Variants in C7 observed in about 807,000 individuals in gnomAD.
C7 encodes the protein complement C7.
Under a neutral mutation model 104.8 loss-of-function variants are expected in C7, and 83 were observed. The observed-to-expected ratio is 0.79, with a 90% confidence interval of 0.66 to 0.95. C7 has a LOEUF of 0.95. C7 is among the 40% of genes least tolerant of loss of function. The pLI is 0.00. For missense variants in C7, 1,070 were observed against 1,011.2 expected (o/e 1.06, Z -0.79); for synonymous variants, 415 against 360.6 (o/e 1.15, Z -1.71).
chr5:40,945,072 G>A, intron 6 of C7, 126 bp from the exon 7 acceptor site: 1 of 592,844 alleles, frequency 1.7e-6, no homozygotes, highest in Non-Finnish European at 3.0e-6. Flanking sequence ...TGGTCTTAAT[G>A]AGAGTCACAG....
At chr5:40,976,629 C>G in intron 15 of C7, 121 bp from the exon 16 acceptor site, 1 of 568,456 alleles carries the variant, frequency 1.8e-6, no homozygotes, top group South Asian at 2.9e-5. Flanking sequence ...ACTATTGTTA[C>G]TGTGCAAATG....
chr5:40,962,975 T>A (rs969176744), intron 13 of C7, among the ~76,000 whole-genome samples: 1 of 152,332 alleles, frequency 6.6e-6, no homozygotes, highest in Middle Eastern at 3.4e-3. Context: ...CGCAAGTGTG[T>A]GTGTGTGTTT....
At chr5:40,974,387 G>GTT (rs34725318) in intron 15 of C7, among the ~76,000 whole-genome samples, 76 of 138,126 alleles carry the variant, frequency 5.5e-4, no homozygotes, top group Admixed American at 1.6e-3. Flanking sequence ...TAATTCTATC[G>GTT]TTTTTTTTTT....
chr5:40,951,612 G>A (rs915915888), intron 9 of C7, among the ~76,000 whole-genome samples: 3 of 152,116 alleles, frequency 2.0e-5, no homozygotes, highest in African/African-American at 7.2e-5. Flanking sequence ...CCCATGAATC[G>A]AGAATAAACG....
At chr5:40,940,728 T>C (rs1475328140) in intron 6 of C7, among the ~76,000 whole-genome samples, 9 of 152,284 alleles carry the variant, frequency 5.9e-5, no homozygotes, top group South Asian at 2.1e-4. Context: ...CTAAGCACTG[T>C]TCCAAGAGCT....
At chr5:40,929,740 C>A (rs1254206845) in intron 2 of C7, among the ~76,000 whole-genome samples, 3 of 152,138 alleles carry the variant, frequency 2.0e-5, no homozygotes, top group African/African-American at 7.2e-5. Context: ...TTATGAGAGT[C>A]AACTCTCCAT....
At chr5:40,941,521 CAG>C (rs1490151236) in intron 6 of C7, among the ~76,000 whole-genome samples, 8 of 152,010 alleles carry the variant, frequency 5.3e-5, no homozygotes, top group South Asian at 2.1e-4. Context: ...AAAAAAGAGT[CAG>C]AGAGTTTAAG....
chr5:40,947,232 TG>T (rs1740068202), intron 7 of C7, among the ~76,000 whole-genome samples: 1 of 151,326 alleles, frequency 6.6e-6, no homozygotes, highest in South Asian at 2.1e-4. Flanking sequence ...CTTGAGTAGC[TG>T]GGATTACAGG....
intron 14 of C7, among the ~76,000 whole-genome samples, chr5:40,965,543 A>G (rs1196807796): frequency 6.6e-6 from 1 of 152,052 alleles, no homozygotes; most frequent in Non-Finnish European, 1.5e-5. Context: ...ACTGATTTAC[A>G]TCTCTAGCAT....
intron 1 of C7, among the ~76,000 whole-genome samples, chr5:40,922,374 C>CAAAAAAAAAAA (rs869109946): frequency 4.6e-5 from 2 of 43,074 alleles, no homozygotes; most frequent in African/African-American, 1.3e-4. Flanking sequence ...GACTCTGTCT[C>CAAAAAAAAAAA]AAAAAAAAAA....
chr5:40,943,687 G>A (rs533778765), intron 6 of C7, among the ~76,000 whole-genome samples: 45 of 146,694 alleles, frequency 3.1e-4, no homozygotes, highest in African/African-American at 1.1e-3. Context: ...ATACATATAT[G>A]TGTGTGTGTG....
At chr5:40,968,076 T>G (rs1312698849) in intron 14 of C7, among the ~76,000 whole-genome samples, 1 of 152,164 alleles carries the variant, frequency 6.6e-6, no homozygotes, top group African/African-American at 2.4e-5. Flanking sequence ...TTAACATCAT[T>G]TTTTTGTTTG....
intron 13 of C7, 151 bp from the exon 14 acceptor site, chr5:40,964,589 TA>T: frequency 3.2e-6 from 2 of 631,168 alleles, no homozygotes; most frequent in Admixed American, 3.0e-5. Flanking sequence ...ACTAACTATA[TA>T]GGGGAAAATG....
intron 6 of C7, among the ~76,000 whole-genome samples, chr5:40,943,820 GA>G (rs1449329730): frequency 1.4e-5 from 2 of 147,536 alleles, no homozygotes; most frequent in Admixed American, 1.4e-4. Context: ...AAGATTTGTT[GA>G]AATCCATCTT....
At chr5:40,913,195 A>G (rs989519703) in intron 1 of C7, among the ~76,000 whole-genome samples, 3 of 152,222 alleles carry the variant, frequency 2.0e-5, no homozygotes, top group East Asian at 1.9e-4. Flanking sequence ...TCTTTATCCA[A>G]TCATCTGTTG....
intron 9 of C7, among the ~76,000 whole-genome samples, chr5:40,950,965 G>C (rs1740157539): frequency 6.6e-6 from 1 of 152,054 alleles, no homozygotes; most frequent in Non-Finnish European, 1.5e-5. Flanking sequence ...GATGGCTATT[G>C]GGTTCCATTA....
In C7 at chr5:40,975,238, C is replaced by T. The variant is rs78802019; in HGVS notation, c.2075-1512C>T. Among the ~76,000 whole-genome samples, 1,176 of 152,242 alleles carry T rather than the reference C, an allele frequency of 7.7e-3. 47 individuals carry two copies. In the East Asian group the frequency reaches 0.13, roughly 17 times the overall value. On this transcript the variant is annotated intron_variant, in intron 15 of 17. Coordinates refer to ENST00000313164, the MANE Select transcript of C7 (RefSeq NM_000587.4). Reference sequence around the variant, plus strand: ...CTAAAAAATTAATATTAGTACAATGCTATTGACTAAACTATACACTTTATT... The same window carrying T: ...CTAAAAAATTAATATTAGTACAATGTTATTGACTAAACTATACACTTTATT...
At chr5:40,933,773 A>AC in intron 3 of C7, among the ~76,000 whole-genome samples, 1 of 152,112 alleles carries the variant, frequency 6.6e-6, no homozygotes, top group African/African-American at 2.4e-5. Flanking sequence ...CTTCATCTTA[A>AC]CCCCTTTCCC....
chr5:40,958,315 C>T (rs1174152472), intron 11 of C7, 54 bp downstream of exon 11: 3 of 1,093,794 alleles, frequency 2.7e-6, no homozygotes, highest in South Asian at 4.2e-5. Context: ...AGGGAATTAC[C>T]CTGTTTCTCT....
Sources: allele counts gnomAD v4.1 joint callset (sites outside exome capture counted in the v4.1 genomes callset), GRCh38; gene constraint gnomAD v4.1.1; transcripts MANE v1.5; gene names NCBI Gene and HGNC (gene_info 2026-07-23, HGNC 2026-07-21).